The following SNX30 variants were observed in gnomAD, a reference collection of about 807,000 sequenced individuals.
SNX30 encodes sorting nexin-30.
A neutral mutation model predicts 46.4 loss-of-function variants in SNX30; 24 were observed. That is an observed-to-expected ratio of 0.52 (90% CI 0.37 to 0.73). The LOEUF (loss-of-function observed/expected upper bound fraction) is 0.73, where lower values mean the gene tolerates loss of function less well. SNX30 is among the 30% of genes least tolerant of loss of function. SNX30 has a pLI of 0.00. For synonymous variants in SNX30, 189 were observed against 211.5 expected, an observed-to-expected ratio of 0.89 and a Z score of 0.92; for missense variants, 533 against 555.7, an observed-to-expected ratio of 0.96 and a Z score of 0.41.
At chr9:112,758,028 A>G (rs1012294380) in intron 1 of SNX30, among the ~76,000 whole-genome samples, 1 of 151,082 alleles carries the variant, frequency 6.6e-6, no homozygotes, top group Non-Finnish European at 1.5e-5. Context: ...CATACCCTCT[A>G]CCCTTCTACT....
intron 1 of SNX30, among the ~76,000 whole-genome samples, chr9:112,767,218 A>C (rs958048857): frequency 2.0e-5 from 3 of 150,824 alleles, no homozygotes; most frequent in Non-Finnish European, 2.9e-5. Context: ...ATATATTTTC[A>C]TACGCTTATT....
intron 1 of SNX30, among the ~76,000 whole-genome samples, chr9:112,784,977 A>G (rs190191593): frequency 6.6e-6 from 1 of 152,312 alleles, no homozygotes; most frequent in East Asian, 1.9e-4. Flanking sequence ...TGAATACATA[A>G]GCGAACAGAT....
At chr9:112,797,940 G>T (rs1840137606) in intron 1 of SNX30, among the ~76,000 whole-genome samples, 1 of 142,536 alleles carries the variant, frequency 7.0e-6, no homozygotes, top group African/African-American at 2.6e-5. Context: ...TTGAACTCCT[G>T]ACCTCAAGTG....
intron 1 of SNX30, among the ~76,000 whole-genome samples, chr9:112,772,132 C>G (rs1206313174): frequency 1.3e-5 from 2 of 152,134 alleles, no homozygotes; most frequent in East Asian, 3.9e-4. Context: ...TGTTTTCAGC[C>G]CGGTGACGTT....
intron 1 of SNX30, among the ~76,000 whole-genome samples, chr9:112,796,539 C>T (rs1167017978): frequency 6.6e-6 from 1 of 152,128 alleles, no homozygotes; most frequent in African/African-American, 2.4e-5. Flanking sequence ...GAAGGTATGA[C>T]GTCCCAGCTG....
At chr9:112,775,154 C>CTT (rs1167634002) in intron 1 of SNX30, among the ~76,000 whole-genome samples, 21 of 113,912 alleles carry the variant, frequency 1.8e-4, no homozygotes, top group South Asian at 5.9e-4. Flanking sequence ...TTTTTTCTTT[C>CTT]TTTTTTTTTT....
intron 6 of SNX30, among the ~76,000 whole-genome samples, chr9:112,848,649 C>A (rs1288977504): frequency 6.6e-6 from 1 of 152,228 alleles, no homozygotes. Flanking sequence ...TGATGCAGGG[C>A]TGTTAGGGCG....
intron 7 of SNX30, among the ~76,000 whole-genome samples, chr9:112,854,128 C>T (rs10759599): frequency 0.8 from 121,666 of 152,236 alleles, 48,808 homozygotes; most frequent in South Asian, 0.87. Context: ...GGACACATTC[C>T]TTTCCAAAGC....
intron 2 of SNX30, among the ~76,000 whole-genome samples, chr9:112,812,411 G>T (rs925294536): frequency 5.3e-5 from 8 of 151,900 alleles, no homozygotes; most frequent in Non-Finnish European, 1.0e-4. Context: ...ATGGACCACC[G>T]CACCCGGCTA....
chr9:112,753,317 C>T (rs2796035), intron 1 of SNX30, among the ~76,000 whole-genome samples: 142,520 of 152,280 alleles, frequency 0.94, 66,773 homozygotes, highest in East Asian at 1. Flanking sequence ...GTCTAATTAC[C>T]GATGGCTTCC....
chr9:112,839,785 A>G (rs1043625094), intron 6 of SNX30, among the ~76,000 whole-genome samples: 2 of 152,228 alleles, frequency 1.3e-5, no homozygotes, highest in African/African-American at 4.8e-5. Context: ...TCCCATGAGG[A>G]AAGACCTGAA....
chr9:112,852,634 A>G (rs1841047561), intron 7 of SNX30, among the ~76,000 whole-genome samples: 1 of 152,150 alleles, frequency 6.6e-6, no homozygotes, highest in African/African-American at 2.4e-5. Context: ...ACCAAGGCCC[A>G]CTGTCACACA....
intron 1 of SNX30, among the ~76,000 whole-genome samples, chr9:112,797,711 CTTTTT>C (rs71384277): frequency 8.2e-6 from 1 of 121,358 alleles, no homozygotes; most frequent in African/African-American, 3.1e-5. Context: ...TTTTCTTTTT[CTTTTT>C]TTTTTTTTTT....
At chr9:112,818,549 CT>C (rs1307462489) in intron 3 of SNX30, among the ~76,000 whole-genome samples, 1 of 152,118 alleles carries the variant, frequency 6.6e-6, no homozygotes, top group Non-Finnish European at 1.5e-5. Flanking sequence ...ATATTGAGTA[CT>C]TTTCTGACTA....
intron 1 of SNX30, among the ~76,000 whole-genome samples, chr9:112,786,967 C>A (rs1839939237): frequency 1.3e-5 from 2 of 151,958 alleles, no homozygotes; most frequent in African/African-American, 4.8e-5. Flanking sequence ...TTTTCTTTTC[C>A]AGTGAACACG....
At chr9:112,838,339 G>A (rs1840797754) in intron 5 of SNX30, among the ~76,000 whole-genome samples, 159 bp from the exon 6 acceptor site, 1 of 152,218 alleles carries the variant, frequency 6.6e-6, no homozygotes. Context: ...AGTTGTGCTA[G>A]AAACAGTGTT....
At chr9:112,844,860 C>A (rs1349185068) in intron 6 of SNX30, among the ~76,000 whole-genome samples, 2 of 152,202 alleles carry the variant, frequency 1.3e-5, no homozygotes, top group African/African-American at 4.8e-5. Context: ...CACAGGGCCA[C>A]AAGGTGGCGC....
At chr9:112,836,520 G>A (rs117078509) in intron 5 of SNX30, 111 bp downstream of exon 5, 22,377 of 1,159,268 alleles carry the variant, frequency 0.019, 267 homozygotes, top group Non-Finnish European at 0.023. Context: ...ACAGAACTAG[G>A]CCATCTTTTG....
chr9:112,782,332 C>G (rs1451273649), intron 1 of SNX30, among the ~76,000 whole-genome samples: 2 of 152,194 alleles, frequency 1.3e-5, no homozygotes, highest in African/African-American at 2.4e-5. Flanking sequence ...TCCTAAAGTG[C>G]TGGGATTATA....
Sources: allele counts gnomAD v4.1 joint callset (sites outside exome capture counted in the v4.1 genomes callset), GRCh38; gene constraint gnomAD v4.1.1; transcripts MANE v1.5; gene names NCBI Gene and HGNC (gene_info 2026-07-23, HGNC 2026-07-21).